Variants in ITPK1 observed in about 807,000 individuals in gnomAD.
ITPK1 encodes the protein inositol-tetrakisphosphate 1-kinase.
A neutral mutation model predicts 45.3 loss-of-function variants in ITPK1; 21 were observed. That is an observed-to-expected ratio of 0.46 (90% confidence interval 0.33 to 0.67). The LOEUF (loss-of-function observed/expected upper bound fraction) is 0.67. Among genes scored for constraint, ITPK1 ranks in the 30% least tolerant of loss-of-function variants. The probability of loss-of-function intolerance (pLI) is 0.02; values close to 1 mark genes in which losing one functional copy is unlikely to be tolerated. For synonymous variants in ITPK1, 258 were observed against 253.6 expected, an observed-to-expected ratio of 1.02 and a Z score of -0.16; for missense variants, 474 against 573.5, an observed-to-expected ratio of 0.83 and a Z score of 1.77.
At chr14:92,976,958 A>G (rs1169549841) in intron 5 of ITPK1, among the ~76,000 whole-genome samples, 1 of 152,236 alleles carries the variant, frequency 6.6e-6, no homozygotes, top group Non-Finnish European at 1.5e-5. Flanking sequence ...GCACTGGGCC[A>G]GCTGTGCTTC....
Position 93,036,140 on chromosome 14 carries a change from C to T in ITPK1, c.121-19339G>A, listed in dbSNP as rs1333209676. On this transcript the variant is annotated intron_variant, in intron 3 of 10. Transcript: ENST00000267615. The surrounding 1 kb of genome is among the most constrained non-coding windows in gnomAD (Gnocchi z 4.1). ...AGTGAGACCTGCCCCTCCCCAGGAGCCCAAGGTCCCAGGAGCCCAAGGTCG... is the reference window on the plus strand; with the variant it reads ...AGTGAGACCTGCCCCTCCCCAGGAGTCCAAGGTCCCAGGAGCCCAAGGTCG... 3.3e-5 allele frequency among the ~76,000 whole-genome samples: 5 copies of T among 151,872 alleles called. No individual in the cohort carries two copies. In the East Asian group the frequency reaches 9.6e-4, roughly 29 times the overall value.
rs945403580 is a variant in ITPK1, at chr14:93,014,367, T to C, written c.246+2309A>G. Among the ~76,000 whole-genome samples, 1 of 152,144 alleles carries C rather than the reference T, an allele frequency of 6.6e-6. No homozygotes were observed. Among genetic ancestry groups the C allele is most frequent in the African/African-American group, 2.4e-5 (1 of 41,416 alleles). On this transcript the variant is annotated intron_variant, in intron 4 of 10. Coordinates refer to ENST00000267615, the MANE Select transcript of ITPK1 (RefSeq NM_014216.6). This position sits in a 1 kb window ranked among gnomAD's most constrained non-coding sequence, Gnocchi z 4.4. ...ACTTGCCTGGGCTGTGGGCTGTGTGTGTGTCTGGGAAGTGGGCAAGAGGGA... is the reference window on the plus strand; with the variant it reads ...ACTTGCCTGGGCTGTGGGCTGTGTGCGTGTCTGGGAAGTGGGCAAGAGGGA...
chr14:93,045,597 G>C (rs1423063057), intron 3 of ITPK1, among the ~76,000 whole-genome samples: 34 of 152,182 alleles, frequency 2.2e-4, no homozygotes, highest in Admixed American at 2.2e-3. Context: ...CAAGGCTGAA[G>C]TGCGCTATGA....
Position 93,076,662 on chromosome 14 carries a change from T to C in ITPK1, c.96-43A>G, listed in dbSNP as rs376555256. On this transcript the variant is annotated intron_variant, in intron 2 of 10. Transcript: ENST00000267615. The surrounding 1 kb of genome is among the most constrained non-coding windows in gnomAD (Gnocchi z 4.3). Reference sequence around the variant, plus strand: ...GAAAACAAGCGTTACTCCAGCAGGCTGGACACGTCCTTTCCGAAGGTTCCC... The same window carrying C: ...GAAAACAAGCGTTACTCCAGCAGGCCGGACACGTCCTTTCCGAAGGTTCCC... 6.2e-7 allele frequency: 1 copy of C among 1,613,870 alleles called. No individual in the cohort carries two copies.
intron 2 of ITPK1, among the ~76,000 whole-genome samples, chr14:93,111,866 A>G (rs1425452284): frequency 6.6e-6 from 1 of 152,094 alleles, no homozygotes; most frequent in Non-Finnish European, 1.5e-5. Flanking sequence ...ACAGGAACAA[A>G]CAGTACCACT....
intron 2 of ITPK1, among the ~76,000 whole-genome samples, chr14:93,100,239 G>A (rs1317474759): frequency 6.6e-6 from 1 of 152,204 alleles, no homozygotes; most frequent in African/African-American, 2.4e-5. Context: ...TGGAGCATGA[G>A]GGATGGGGGA....
At chr14:93,074,854 C>T (rs1344719354) in intron 3 of ITPK1, among the ~76,000 whole-genome samples, 3 of 152,150 alleles carry the variant, frequency 2.0e-5, no homozygotes, top group African/African-American at 4.8e-5. Flanking sequence ...CCTCTTTCCA[C>T]GCCTGTACCC....
At chr14:93,064,556 G>C (rs1253197512) in intron 3 of ITPK1, among the ~76,000 whole-genome samples, 1 of 152,148 alleles carries the variant, frequency 6.6e-6, no homozygotes, top group African/African-American at 2.4e-5. Flanking sequence ...GGCTTCTGTA[G>C]AAGTGCTGAG....
intron 3 of ITPK1, among the ~76,000 whole-genome samples, chr14:93,017,614 C>G (rs891345335): frequency 6.6e-6 from 1 of 152,186 alleles, no homozygotes; most frequent in Non-Finnish European, 1.5e-5. Context: ...TCCCGGCACG[C>G]GGCCACCACC....
chr14:93,102,289 C>T (rs1892351387), intron 2 of ITPK1, among the ~76,000 whole-genome samples: 2 of 152,260 alleles, frequency 1.3e-5, no homozygotes, highest in Non-Finnish European at 2.9e-5. Flanking sequence ...TTGGCTGCGC[C>T]CAGGTCAAGG....
rs114108899 is a variant in ITPK1, at chr14:93,094,619, G to A, written c.96-18000C>T. 5.8e-3 allele frequency among the ~76,000 whole-genome samples: 877 copies of A among 152,216 alleles called. 16 individuals carry two copies. Among genetic ancestry groups the A allele is most frequent in the African/African-American group, 0.02 (823 of 41,528 alleles). ...TAGGGACACTCAATGACCTCCCAGG[G>A]CCACCAAGCTTCCCAGTGAGGCAGC... On this transcript the variant is annotated intron_variant, in intron 2 of 10. Transcript: ENST00000267615.
intron 4 of ITPK1, among the ~76,000 whole-genome samples, chr14:92,994,644 A>C (rs1758491047): frequency 6.6e-6 from 1 of 152,200 alleles, no homozygotes; most frequent in South Asian, 2.1e-4. Flanking sequence ...GCAGAACCCC[A>C]CGCCACCCAG....
chr14:92,973,499 T>A (rs1030498245), intron 5 of ITPK1, among the ~76,000 whole-genome samples: 14 of 152,234 alleles, frequency 9.2e-5, no homozygotes, highest in African/African-American at 3.4e-4. Flanking sequence ...TAAGTTCAAG[T>A]GCTCTGGACT....
chr14:92,998,324 G>A (rs1014019210), intron 4 of ITPK1, among the ~76,000 whole-genome samples: 1 of 152,200 alleles, frequency 6.6e-6, no homozygotes, highest in Non-Finnish European at 1.5e-5. Context: ...CGACCCCAGA[G>A]GAGCCAGCTG....
chr14:93,009,853 AC>A (rs959442728), intron 4 of ITPK1, among the ~76,000 whole-genome samples: 18 of 151,932 alleles, frequency 1.2e-4, no homozygotes, highest in African/African-American at 4.3e-4. Flanking sequence ...CAACCCTCAC[AC>A]CACCCACAGT....
intron 2 of ITPK1, among the ~76,000 whole-genome samples, chr14:93,113,798 C>G (rs532431235): frequency 6.6e-6 from 1 of 152,220 alleles, no homozygotes; most frequent in Non-Finnish European, 1.5e-5. Flanking sequence ...AGGCAGCCAA[C>G]CCCATCCCCA....
intron 10 of ITPK1, among the ~76,000 whole-genome samples, chr14:92,942,883 G>A (rs1887502611): frequency 6.6e-6 from 1 of 152,214 alleles, no homozygotes; most frequent in Non-Finnish European, 1.5e-5. Flanking sequence ...CAAAAACCCT[G>A]GGCTGTCCTC....
chr14:92,990,075 T>C (rs1460255165), intron 5 of ITPK1, among the ~76,000 whole-genome samples: 1 of 152,184 alleles, frequency 6.6e-6, no homozygotes, highest in East Asian at 1.9e-4. Flanking sequence ...GTTCTAGCCC[T>C]TCTTCCATGG....
rs139702441 is a variant in ITPK1, at chr14:92,954,390, A to G, written c.671-2377T>C. 9.6e-3 allele frequency among the ~76,000 whole-genome samples: 1,458 copies of G among 152,296 alleles called. 22 individuals carry two copies. Among genetic ancestry groups the G allele is most frequent in the African/African-American group, 0.033 (1,374 of 41,556 alleles). ...CAAGTGAGAAGGCATCAGGGAAAGA[A>G]ACCTGGTGGCCAGCTCCAAGAGAGT... On this transcript the variant is annotated intron_variant, in intron 8 of 10. Coordinates refer to ENST00000267615, the MANE Select transcript of ITPK1 (RefSeq NM_014216.6).
Sources: gnomAD v4.1 joint callset for allele counts (sites outside exome capture counted in the v4.1 genomes callset) on GRCh38, gnomAD v4.1.1 for gene constraint, Gnocchi (gnomAD v3.1) non-coding constraint, MANE v1.5 for transcripts, NCBI Gene and HGNC (gene_info 2026-07-23, HGNC 2026-07-21) for gene names.